Variants in ADK observed in about 807,000 individuals in gnomAD.
ADK encodes the protein adenosine kinase.
Under a neutral mutation model 44.7 loss-of-function variants are expected in ADK, and 24 were observed. The observed-to-expected ratio is 0.54, with a 90% CI of 0.39 to 0.76. ADK has a LOEUF of 0.76. Ranked by LOEUF, ADK falls within the 30% of genes least tolerant of loss-of-function variation. The pLI, the probability that ADK is intolerant of heterozygous loss-of-function variation, is 0.00. For synonymous variants in ADK, 128 were observed against 142.6 expected, an observed-to-expected ratio of 0.90 and a Z score of 0.73; for missense variants, 321 against 425.1, an observed-to-expected ratio of 0.76 and a Z score of 2.15.
chr10:74,402,279 G>T (rs1401060124), intron 6 of ADK, among the ~76,000 whole-genome samples: 1 of 152,150 alleles, frequency 6.6e-6, no homozygotes, highest in African/African-American at 2.4e-5. Context: ...AAATTTGAAT[G>T]TTGGCCTGCC....
intron 1 of ADK, among the ~76,000 whole-genome samples, chr10:74,172,458 G>A (rs533131541): frequency 1.3e-5 from 2 of 152,238 alleles, no homozygotes; most frequent in African/African-American, 2.4e-5. Context: ...GGAGGCCGAG[G>A]TGGGCGGATC....
In ADK at chr10:74,302,101, G is replaced by GTTTTTTTTTTTTTTTTTTTTTTTTTTTT. The variant is rs1564642239; in HGVS notation, c.195-12563_195-12562insTTTTTTTTTTTTTTTTTTTTTTTTTTTT. Among the ~76,000 whole-genome samples the GTTTTTTTTTTTTTTTTTTTTTTTTTTTT allele has an allele frequency of 2.6e-4, 3 of 11,702 alleles. 1 individual carries two copies. Among genetic ancestry groups the GTTTTTTTTTTTTTTTTTTTTTTTTTTTT allele is most frequent in the African/African-American group, 8.5e-4 (3 of 3,544 alleles). 7.7% of individuals were successfully genotyped at this position (11,702 alleles called of 152,430 possible). On this transcript the variant is annotated intron_variant, in intron 3 of 10. Transcript: ENST00000539909. ...TTCTTTTCTTTTCTGTTTTTTTTTTGTTTGTTTGTTTTTTTTTTTTTTTTT... is the reference window on the plus strand; with the variant it reads ...TTCTTTTCTTTTCTGTTTTTTTTTTGTTTTTTTTTTTTTTTTTTTTTTTTTTTTTTTGTTTGTTTTTTTTTTTTTTTTT...
intron 1 of ADK, among the ~76,000 whole-genome samples, chr10:74,152,666 C>T (rs1359863244): frequency 1.3e-5 from 2 of 152,132 alleles, no homozygotes; most frequent in East Asian, 3.9e-4. Context: ...CTGTGTTTTC[C>T]TATTTATTAT....
At chr10:74,457,515 CTG>C (rs1845998641) in intron 6 of ADK, among the ~76,000 whole-genome samples, 1 of 152,210 alleles carries the variant, frequency 6.6e-6, no homozygotes, top group African/African-American at 2.4e-5. Context: ...AATCCCATTA[CTG>C]GGTATATACC....
At chr10:74,333,387 G>T (rs1030409868) in intron 4 of ADK, among the ~76,000 whole-genome samples, 4 of 152,268 alleles carry the variant, frequency 2.6e-5, no homozygotes, top group South Asian at 2.1e-4. Context: ...GCCATAGAAG[G>T]CATGAGCATT....
chr10:74,240,765 T>C (rs1221810680), intron 3 of ADK, among the ~76,000 whole-genome samples: 1 of 152,204 alleles, frequency 6.6e-6, no homozygotes, highest in African/African-American at 2.4e-5. Context: ...TGTGGTCTTA[T>C]AAAGTATATT....
chr10:74,338,056 A>G (rs555392984), intron 4 of ADK, among the ~76,000 whole-genome samples: 1 of 152,230 alleles, frequency 6.6e-6, no homozygotes, highest in East Asian at 1.9e-4. Context: ...GATTACAGGC[A>G]TGAGCCACTA....
chr10:74,653,485 G>A (rs1854353262), intron 9 of ADK, among the ~76,000 whole-genome samples: 1 of 151,672 alleles, frequency 6.6e-6, no homozygotes, highest in Admixed American at 6.6e-5. Context: ...ACATGCGTAT[G>A]ATCCTTAAAA....
intron 7 of ADK, among the ~76,000 whole-genome samples, chr10:74,587,238 G>T (rs1018626507): frequency 6.6e-6 from 1 of 152,118 alleles, no homozygotes; most frequent in Non-Finnish European, 1.5e-5. Context: ...TGATATCACC[G>T]CCAGCAAATG....
intron 9 of ADK, among the ~76,000 whole-genome samples, chr10:74,667,903 T>G (rs1207466726): frequency 1.3e-5 from 2 of 152,162 alleles, no homozygotes; most frequent in African/African-American, 4.8e-5. Context: ...TGTTCATAAA[T>G]AAATATTTAT....
intron 4 of ADK, chr10:74,371,506 C>A: frequency 1.4e-6 from 1 of 727,526 alleles, no homozygotes; most frequent in Non-Finnish European, 2.4e-6. Flanking sequence ...TCTGGATTCC[C>A]ATCGTAGCTT....
intron 1 of ADK, among the ~76,000 whole-genome samples, chr10:74,185,625 G>C (rs1842723463): frequency 6.7e-6 from 1 of 150,370 alleles, no homozygotes; most frequent in African/African-American, 2.4e-5. Flanking sequence ...GAGGTCAGGA[G>C]ATCGAGACTA....
chr10:74,578,288 AATTG>A (rs1191681222), intron 7 of ADK, among the ~76,000 whole-genome samples: 1 of 152,198 alleles, frequency 6.6e-6, no homozygotes, highest in African/African-American at 2.4e-5. Context: ...ACTTATAAAA[AATTG>A]ATTATTTATC....
At chr10:74,416,642 C>T (rs1844385483) in intron 6 of ADK, among the ~76,000 whole-genome samples, 1 of 151,360 alleles carries the variant, frequency 6.6e-6, no homozygotes, top group Admixed American at 6.6e-5. Context: ...CCTTATCACA[C>T]CGTCACTGCA....
intron 3 of ADK, among the ~76,000 whole-genome samples, chr10:74,277,592 G>T (rs1464619621): frequency 1.3e-5 from 2 of 151,908 alleles, no homozygotes; most frequent in Non-Finnish European, 2.9e-5. Context: ...GTAGTGACGG[G>T]GTTTCACCAT....
At chr10:74,292,423 A>C (rs1380785041) in intron 3 of ADK, among the ~76,000 whole-genome samples, 1 of 151,914 alleles carries the variant, frequency 6.6e-6, no homozygotes, top group East Asian at 1.9e-4. Context: ...GTAGTATAGC[A>C]CTCTGTGTCC....
intron 2 of ADK, among the ~76,000 whole-genome samples, chr10:74,205,563 A>G (rs1843561753): frequency 2.0e-5 from 3 of 150,898 alleles, no homozygotes; most frequent in South Asian, 4.2e-4. Context: ...GTAATCCCAG[A>G]TACTCGGGAG....
chr10:74,283,800 C>T (rs1847046352), intron 3 of ADK, among the ~76,000 whole-genome samples: 1 of 151,072 alleles, frequency 6.6e-6, no homozygotes, highest in Admixed American at 6.6e-5. Flanking sequence ...CCTGCCTCAG[C>T]CTCCTGAGTA....
At chr10:74,433,691 C>A (rs1286743416) in intron 6 of ADK, among the ~76,000 whole-genome samples, 1 of 152,162 alleles carries the variant, frequency 6.6e-6, no homozygotes, top group Non-Finnish European at 1.5e-5. Context: ...TTAAGTCAGT[C>A]ATTCAGTAAC....
Sources: allele counts gnomAD v4.1 joint callset (sites outside exome capture counted in the v4.1 genomes callset), GRCh38; gene constraint gnomAD v4.1.1; transcripts MANE v1.5; gene names NCBI Gene and HGNC (gene_info 2026-07-23, HGNC 2026-07-21).